Variants in WWOX observed in about 807,000 individuals in gnomAD.
WWOX encodes WW domain containing oxidoreductase.
In WWOX, 69 loss-of-function variants were observed where a neutral mutation model predicts 46.2. That is an observed-to-expected ratio of 1.49 (90% confidence interval 1.23 to 1.82). The LOEUF (loss-of-function observed/expected upper bound fraction) is 1.82, where lower values mean the gene tolerates loss of function less well. WWOX is among the 40% of genes most tolerant of loss of function. The pLI, the probability that WWOX is intolerant of heterozygous loss-of-function variation, is 0.00. For missense variants in WWOX, 919 were observed against 542.6 expected, an observed-to-expected ratio of 1.69 and a Z score of -6.89; for synonymous variants, 359 against 202.6, an observed-to-expected ratio of 1.77 and a Z score of -6.56.
intron 8 of WWOX, among the ~76,000 whole-genome samples, chr16:79,124,502 C>G (rs1043921019): frequency 1.3e-5 from 2 of 152,158 alleles, no homozygotes; most frequent in Admixed American, 1.3e-4. Flanking sequence ...TCTGTCTGAC[C>G]TGTCACGTTA....
intron 3 of WWOX, among the ~76,000 whole-genome samples, chr16:78,114,149 G>C (rs529792353): frequency 1.4e-5 from 2 of 146,324 alleles, no homozygotes; most frequent in African/African-American, 5.1e-5. Flanking sequence ...CCAGGCTAGA[G>C]TGCAGTGGCA....
chr16:78,980,254 G>C (rs897630365), intron 8 of WWOX, among the ~76,000 whole-genome samples: 1 of 152,218 alleles, frequency 6.6e-6, no homozygotes, highest in African/African-American at 2.4e-5. Context: ...GAAGTTGGCT[G>C]TGTGAGCTCC....
intron 8 of WWOX, among the ~76,000 whole-genome samples, chr16:78,594,274 A>G (rs972290665): frequency 5.3e-5 from 8 of 152,228 alleles, no homozygotes; most frequent in African/African-American, 1.9e-4. Context: ...CAGCCTTGCA[A>G]AGTCGATTCC....
At chr16:79,074,009 A>AAC (rs1555522965) in intron 8 of WWOX, among the ~76,000 whole-genome samples, 2 of 151,308 alleles carry the variant, frequency 1.3e-5, no homozygotes, top group East Asian at 3.9e-4. Flanking sequence ...AGGAAAAAAA[A>AAC]AGCCTTTCAC....
chr16:78,837,009 C>T (rs373852831), intron 8 of WWOX, among the ~76,000 whole-genome samples: 10 of 152,094 alleles, frequency 6.6e-5, no homozygotes, highest in Admixed American at 3.3e-4. Flanking sequence ...ACATAGAAGC[C>T]GCTTCTTCAT....
intron 8 of WWOX, among the ~76,000 whole-genome samples, chr16:78,596,440 A>G (rs1597324140): frequency 6.7e-6 from 1 of 150,004 alleles, no homozygotes; most frequent in Non-Finnish European, 1.5e-5. Flanking sequence ...TGCTGTGGCA[A>G]CCCACAGCAG....
intron 8 of WWOX, among the ~76,000 whole-genome samples, chr16:78,920,070 C>G (rs541260651): frequency 6.6e-6 from 1 of 152,284 alleles, no homozygotes; most frequent in South Asian, 2.1e-4. Context: ...ACGACCCCAC[C>G]ATGCCATAGC....
At chr16:78,965,875 T>A (rs1479178014) in intron 8 of WWOX, among the ~76,000 whole-genome samples, 1 of 152,182 alleles carries the variant, frequency 6.6e-6, no homozygotes, top group Non-Finnish European at 1.5e-5. Flanking sequence ...ACTATTAGAT[T>A]TTCCCAAGCA....
intron 8 of WWOX, among the ~76,000 whole-genome samples, chr16:78,936,245 C>G (rs961204687): frequency 6.6e-6 from 1 of 152,236 alleles, no homozygotes. Flanking sequence ...TGTGTATGCC[C>G]TCTGTACCTT....
intron 8 of WWOX, among the ~76,000 whole-genome samples, chr16:79,170,780 A>G (rs557227685): frequency 4.0e-4 from 61 of 152,128 alleles, no homozygotes; most frequent in African/African-American, 1.4e-3. Context: ...CAAGGAGGTA[A>G]TTTGCAAGGT....
At chr16:78,257,842 G>T (rs1206693095) in intron 5 of WWOX, among the ~76,000 whole-genome samples, 1 of 152,148 alleles carries the variant, frequency 6.6e-6, no homozygotes, top group African/African-American at 2.4e-5. Context: ...TCATTTATGT[G>T]ACGTGGGACA....
At chr16:78,111,397 G>C (rs1399337858) in intron 3 of WWOX, among the ~76,000 whole-genome samples, 1 of 152,094 alleles carries the variant, frequency 6.6e-6, no homozygotes, top group Non-Finnish European at 1.5e-5. Flanking sequence ...CATAACCTAG[G>C]AATAACTGGC....
chr16:78,289,823 C>T (rs1862205814), intron 5 of WWOX, among the ~76,000 whole-genome samples: 1 of 151,990 alleles, frequency 6.6e-6, no homozygotes, highest in South Asian at 2.1e-4. Flanking sequence ...GAGAGAAACG[C>T]CGTTTGCTTG....
intron 8 of WWOX, among the ~76,000 whole-genome samples, chr16:78,697,555 GA>G (rs1204065480): frequency 1.3e-5 from 2 of 151,972 alleles, no homozygotes; most frequent in African/African-American, 4.8e-5. Flanking sequence ...AAATTAGCAA[GA>G]AAAAAGCTAA....
At chr16:78,495,315 AT>A (rs1010577506) in intron 8 of WWOX, among the ~76,000 whole-genome samples, 2 of 151,302 alleles carry the variant, frequency 1.3e-5, no homozygotes, top group African/African-American at 4.9e-5. Context: ...TAATTTTTGT[AT>A]TTTTAGTATA....
At chr16:78,459,324 T>C (rs1179324626) in intron 8 of WWOX, among the ~76,000 whole-genome samples, 1 of 152,202 alleles carries the variant, frequency 6.6e-6, no homozygotes, top group Non-Finnish European at 1.5e-5. Flanking sequence ...TTAACGGACA[T>C]GGTATCCCCA....
chr16:79,038,429 C>T (rs1225846253), intron 8 of WWOX, among the ~76,000 whole-genome samples: 1 of 152,118 alleles, frequency 6.6e-6, no homozygotes, highest in Non-Finnish European at 1.5e-5. Context: ...TATGTTTTAA[C>T]ATGCCCTAGA....
At chr16:78,523,814 C>T (rs1277416182) in intron 8 of WWOX, among the ~76,000 whole-genome samples, 1 of 152,208 alleles carries the variant, frequency 6.6e-6, no homozygotes, top group Non-Finnish European at 1.5e-5. Flanking sequence ...CTCACACACT[C>T]CCTTTAGGAG....
chr16:79,109,649 C>T (rs1007740077), intron 8 of WWOX, among the ~76,000 whole-genome samples: 1 of 152,094 alleles, frequency 6.6e-6, no homozygotes, highest in Non-Finnish European at 1.5e-5. Flanking sequence ...AAAATGAACA[C>T]TGGGGTATTT....
Sources: allele counts gnomAD v4.1 joint callset (sites outside exome capture counted in the v4.1 genomes callset), GRCh38; gene constraint gnomAD v4.1.1; transcripts MANE v1.5; gene names NCBI Gene and HGNC (gene_info 2026-07-23, HGNC 2026-07-21).